Variants in ATRX observed in about 807,000 individuals in gnomAD.
ATRX encodes chromatin remodeler ATRX.
In ATRX, 12 loss-of-function variants were observed where a neutral mutation model predicts 172.6. That is an observed-to-expected ratio of 0.07 (90% CI 0.04 to 0.11). The LOEUF is 0.11. Among genes scored for constraint, ATRX ranks in the 10% least tolerant of loss-of-function variants. The pLI, the probability that ATRX is intolerant of heterozygous loss-of-function variation, is 1.00. For missense variants in ATRX, 1,368 were observed against 1,767.4 expected, an observed-to-expected ratio of 0.77 and a Z score of 4.05; for synonymous variants, 674 against 594.7, an observed-to-expected ratio of 1.13 and a Z score of -1.94.
chrX:77,738,563 T>C (rs1335806509), intron 1 of ATRX, among the ~76,000 whole-genome samples: 17 of 95,655 alleles, frequency 1.8e-4, no homozygotes, highest in Non-Finnish European at 3.6e-4. Flanking sequence ...TGTGTCTTTT[T>C]TTTTTTTTTT....
chrX:77,692,415 C>A (rs1419477793), intron 6 of ATRX, among the ~76,000 whole-genome samples: 1 of 111,773 alleles, frequency 8.9e-6, no homozygotes, highest in Non-Finnish European at 1.9e-5. Flanking sequence ...GGACAAAAGA[C>A]TATATAATAT....
chrX:77,510,813 C>T (rs2062844049), intron 34 of ATRX, among the ~76,000 whole-genome samples: 2 of 112,502 alleles, frequency 1.8e-5, no homozygotes, highest in African/African-American at 3.2e-5. Context: ...GATTCTGACT[C>T]CAGGCCCTGG....
chrX:77,642,012 G>A (rs1432595435), intron 15 of ATRX, among the ~76,000 whole-genome samples: 1 of 111,682 alleles, frequency 9.0e-6, no homozygotes, highest in Non-Finnish European at 1.9e-5. Context: ...GGCCAGCTTG[G>A]GCAACATAGC....
chrX:77,567,499 A>C (rs1557065133), intron 28 of ATRX, among the ~76,000 whole-genome samples: 1 of 111,330 alleles, frequency 9.0e-6, no homozygotes, highest in Non-Finnish European at 1.9e-5. Context: ...AAAGAAGATT[A>C]TGAGGGATAG....
chrX:77,569,639 C>T (rs1557066350), intron 28 of ATRX, among the ~76,000 whole-genome samples: 1 of 111,615 alleles, frequency 9.0e-6, no homozygotes, highest in Admixed American at 9.5e-5. Context: ...ATTAAAAATA[C>T]AGTAACATTT....
At chrX:77,691,960 C>T (rs2071914455) in intron 6 of ATRX, among the ~76,000 whole-genome samples, 1 of 111,685 alleles carries the variant, frequency 9.0e-6, no homozygotes, top group Non-Finnish European at 1.9e-5. Flanking sequence ...AAGCGTGATA[C>T]CAAAACATTC....
chrX:77,698,301 C>T (rs782462458), intron 3 of ATRX, among the ~76,000 whole-genome samples: 3 of 111,351 alleles, frequency 2.7e-5, no homozygotes, highest in Non-Finnish European at 5.7e-5. Flanking sequence ...TAACATCCAC[C>T]TCAAACACCT....
Position 77,737,435 on chromosome X carries a change from A to AGGGGG in ATRX, c.21-20197_21-20193dup, listed in dbSNP as rs1210379916. Among the ~76,000 whole-genome samples, 18 of 39,167 alleles carry AGGGGG rather than the reference A, an allele frequency of 4.6e-4. 2 individuals carry two copies. The highest frequency in any genetic ancestry group is 2.0e-3 in the African/African-American group (14 of 7,006). The allele number at this position is 39,167 out of a possible 115,157, so 34.0% of individuals were successfully genotyped here. ...AAGACTCTGTCTCCAAAAAAAAAAA[A>AGGGGG]GGGGGGGGGGGGCCTAGTATTTGAT... On this transcript the variant is annotated intron_variant, in intron 1 of 34. Coordinates refer to ENST00000373344, the MANE Select transcript of ATRX (RefSeq NM_000489.6).
chrX:77,665,822 T>A (rs1569536939), intron 10 of ATRX, among the ~76,000 whole-genome samples: 1 of 111,770 alleles, frequency 8.9e-6, no homozygotes, highest in Non-Finnish European at 1.9e-5. Context: ...CATGAGCTAA[T>A]CTGTATGGGA....
chrX:77,750,315 A>T (rs1266798537), intron 1 of ATRX, among the ~76,000 whole-genome samples: 5 of 111,255 alleles, frequency 4.5e-5, no homozygotes, highest in Non-Finnish European at 9.4e-5. Flanking sequence ...CGTGTGAATA[A>T]GGGGAGACTA....
intron 28 of ATRX, among the ~76,000 whole-genome samples, 197 bp downstream of exon 28, chrX:77,574,053 G>C (rs1794699089): frequency 1.8e-5 from 2 of 111,388 alleles, no homozygotes; most frequent in Admixed American, 9.5e-5. Context: ...AGTGAAAGAA[G>C]TGAGACTCAA....
intron 1 of ATRX, among the ~76,000 whole-genome samples, chrX:77,731,021 T>C (rs1391194515): frequency 2.1e-5 from 2 of 93,302 alleles, no homozygotes; most frequent in African/African-American, 8.0e-5. Flanking sequence ...ATACAAAATA[T>C]CAATAAAACA....
intron 2 of ATRX, among the ~76,000 whole-genome samples, chrX:77,709,202 C>G (rs1557159079): frequency 8.9e-6 from 1 of 112,074 alleles, no homozygotes; most frequent in Admixed American, 9.5e-5. Context: ...CCACTGCACT[C>G]CAGCCTGGGC....
In ATRX at chrX:77,727,511, A is replaced by G. The variant is rs2074099780; in HGVS notation, c.21-10268T>C. On this transcript the variant is annotated intron_variant, in intron 1 of 34. Transcript: ENST00000373344. ...AATACTATGCAGCCATAAAAAAAGG[A>G]TCAGTTCATATATTTTGCAGGGACA... is the stretch of plus-strand genomic sequence containing the variant. Among the ~76,000 whole-genome samples the G allele has an allele frequency of 2.7e-5, 3 of 111,486 alleles. No individual in the cohort carries two copies. In the South Asian group the frequency reaches 1.1e-3, roughly 42 times the overall value.
chrX:77,757,090 T>G (rs1212460516), intron 1 of ATRX, among the ~76,000 whole-genome samples: 1 of 101,315 alleles, frequency 9.9e-6, no homozygotes, highest in Non-Finnish European at 1.9e-5. Flanking sequence ...CCGACCTATA[T>G]CTTTTGATAT....
At position 77,599,584 on chromosome X, in the gene ATRX, AAAAC is replaced by A. The variant is rs782072699; in HGVS notation, c.5787-8_5787-5del. ...CTTTTTCCCTTTTTTCTTCTTTCTA[AAAAC>A]AAACAAACAAACAAACAAAAAAACA... is the stretch of plus-strand genomic sequence containing the variant. On this transcript the variant is annotated splice_polypyrimidine_tract_variant and splice_region_variant and intron_variant, in intron 24 of 34. Transcript: ENST00000373344. 706 of 1,206,945 alleles carry A rather than the reference AAAAC, an allele frequency of 5.8e-4. No individual in the cohort carries two copies. Among genetic ancestry groups the A allele is most frequent in the African/African-American group, 1.4e-3 (82 of 56,611 alleles).
intron 25 of ATRX, chrX:77,594,739 T>A (rs1230567512): frequency 1.8e-5 from 2 of 111,770 alleles, no homozygotes; most frequent in African/African-American, 6.5e-5. Flanking sequence ...TTCCAATAGG[T>A]AACTAAACCC....
At chrX:77,698,656 A>T in intron 2 of ATRX, 27 bp from the exon 3 acceptor site, 1 of 1,136,799 alleles carries the variant, frequency 8.8e-7, no homozygotes, top group African/African-American at 1.8e-5. Flanking sequence ...AAAGAACATT[A>T]TTTATCTCTT....
At chrX:77,583,551 A>T (rs1366714833) in intron 27 of ATRX, among the ~76,000 whole-genome samples, 1 of 111,082 alleles carries the variant, frequency 9.0e-6, no homozygotes, top group Non-Finnish European at 1.9e-5. Context: ...AAACCATATG[A>T]TCATTTCAAT....
Sources: allele counts gnomAD v4.1 joint callset (sites outside exome capture counted in the v4.1 genomes callset), GRCh38; gene constraint gnomAD v4.1.1; transcripts MANE v1.5; gene names NCBI Gene and HGNC (gene_info 2026-07-23, HGNC 2026-07-21).